MRTFB: variants seen among roughly 807,000 people sequenced by gnomAD.
The protein encoded by MRTFB is myocardin related transcription factor B.
A neutral mutation model predicts 104.2 loss-of-function variants in MRTFB; 29 were observed. The ratio of observed to expected loss-of-function variants is 0.28; its 90% CI spans 0.21 to 0.38. The LOEUF (loss-of-function observed/expected upper bound fraction) is 0.38, where lower values mean the gene tolerates loss of function less well. Ranked by LOEUF, MRTFB falls within the 10% of genes least tolerant of loss-of-function variation. The probability of loss-of-function intolerance (pLI) is 1.00; values close to 1 mark genes in which losing one functional copy is unlikely to be tolerated. For synonymous variants in MRTFB, 535 were observed against 519.5 expected (o/e 1.03, Z -0.41); for missense variants, 1,270 against 1,341.6 (o/e 0.95, Z 0.83).
chr16:14,234,362 G>C (rs561932194), intron 9 of MRTFB, 79 bp downstream of exon 9: 1 of 1,487,502 alleles, frequency 6.7e-7, no homozygotes, highest in East Asian at 2.3e-5. Flanking sequence ...GAAGACAAAG[G>C]CATTTATCCA....
At chr16:14,084,555 G>T (rs1308718740) in intron 2 of MRTFB, among the ~76,000 whole-genome samples, 1 of 152,022 alleles carries the variant, frequency 6.6e-6, no homozygotes, top group Non-Finnish European at 1.5e-5. Context: ...AAATTAAAAA[G>T]ATAAATAAAG....
At chr16:14,260,557 A>G (rs1202250655) in intron 16 of MRTFB, among the ~76,000 whole-genome samples, 1 of 152,198 alleles carries the variant, frequency 6.6e-6, no homozygotes, top group African/African-American at 2.4e-5. Flanking sequence ...AAAATAATCT[A>G]AAACCATTGA....
At chr16:14,168,439 G>A (rs1473397822) in intron 3 of MRTFB, among the ~76,000 whole-genome samples, 1 of 152,088 alleles carries the variant, frequency 6.6e-6, no homozygotes, top group South Asian at 2.1e-4. Context: ...TTGTGGTTTT[G>A]TTCACCATTT....
chr16:14,127,423 A>C (rs1021006909), intron 2 of MRTFB, among the ~76,000 whole-genome samples: 1 of 152,064 alleles, frequency 6.6e-6, no homozygotes, highest in African/African-American at 2.4e-5. Flanking sequence ...CGGGTGGATC[A>C]CGAGGTCAGG....
At chr16:14,260,485 G>A (rs2043724951) in intron 16 of MRTFB, among the ~76,000 whole-genome samples, 2 of 152,016 alleles carry the variant, frequency 1.3e-5, no homozygotes. Flanking sequence ...GCTATAGATA[G>A]ATTCATAGGA....
At chr16:14,062,990 G>A in the MRTFB span, among the ~76,000 whole-genome samples, 2 of 152,198 alleles carry the variant, frequency 1.3e-5, no homozygotes, top group Admixed American at 6.5e-5. Context: ...GACATCATAC[G>A]GCTTGTCTTA....
chr16:14,031,734 T>C, the MRTFB span, among the ~76,000 whole-genome samples: 1 of 152,176 alleles, frequency 6.6e-6, no homozygotes, highest in Non-Finnish European at 1.5e-5. Context: ...GGGCCTGAAA[T>C]AGCCTCAGGG....
intron 2 of MRTFB, among the ~76,000 whole-genome samples, chr16:14,124,432 A>G (rs1007135646): frequency 6.6e-6 from 1 of 152,198 alleles, no homozygotes; most frequent in Non-Finnish European, 1.5e-5. Context: ...ATTTTGAGAT[A>G]TGGTCCATCA....
intron 2 of MRTFB, among the ~76,000 whole-genome samples, chr16:14,137,733 TC>T (rs1310614222): frequency 1.3e-5 from 2 of 152,160 alleles, no homozygotes; most frequent in African/African-American, 4.8e-5. Context: ...TTCTTGGAAT[TC>T]CTGTTTGCAT....
intron 8 of MRTFB, among the ~76,000 whole-genome samples, chr16:14,233,217 GGA>G (rs1401709169): frequency 3.5e-4 from 53 of 152,270 alleles, no homozygotes; most frequent in African/African-American, 1.3e-3. Context: ...TTTTAACTAT[GGA>G]GAGATAATGT....
chr16:14,078,480 C>T (rs1282755773), intron 1 of MRTFB, among the ~76,000 whole-genome samples: 4 of 151,922 alleles, frequency 2.6e-5, no homozygotes, highest in East Asian at 3.9e-4. Context: ...GTACATGACA[C>T]GGGCAGTGGC....
intron 10 of MRTFB, among the ~76,000 whole-genome samples, chr16:14,241,964 C>CAATAATAATAATAAT (rs34609591): frequency 2.2e-5 from 3 of 138,588 alleles, no homozygotes; most frequent in South Asian, 2.5e-4. Flanking sequence ...CATTGGGCAC[C>CAATAATAATAATAAT]AATAATAATA....
intron 2 of MRTFB, among the ~76,000 whole-genome samples, chr16:14,082,551 G>A (rs1393095278): frequency 6.6e-6 from 1 of 152,178 alleles, no homozygotes; most frequent in Non-Finnish European, 1.5e-5. Context: ...GGAGGCCAAG[G>A]TGGGAGGATA....
At chr16:14,017,291 T>C in the MRTFB span, among the ~76,000 whole-genome samples, 54 of 151,686 alleles carry the variant, frequency 3.6e-4, no homozygotes, top group Admixed American at 1.5e-3. Flanking sequence ...CTCCTGACCT[T>C]GTGATCCGCC....
rs764812023 is a variant in MRTFB at position 14,252,381 on chromosome 16, C to T, written c.2582C>T (p.Pro861Leu). The T allele has an allele frequency of 1.2e-5, 19 of 1,613,386 alleles. No individual in the cohort carries two copies. The highest frequency in any genetic ancestry group is 1.4e-5 in the Non-Finnish European group (17 of 1,179,756). Residue 861 changes from proline to leucine, a missense_variant, in exon 15 of 17, where the codon CCA becomes CTA. Coordinates refer to ENST00000571589, the MANE Select transcript of MRTFB (RefSeq NM_001308142.2). Reference sequence around the variant, plus strand: ...TTGACACAGCCTAGTTCACCCCCGCCACCCCAGCAATTTGTCGTCCAGCAC... The same window carrying T: ...TTGACACAGCCTAGTTCACCCCCGCTACCCCAGCAATTTGTCGTCCAGCAC... ...NTPNKPSSPP[P>L]PQQFVVQHSL...
At chr16:14,257,300 CA>C (rs1233326024) in intron 15 of MRTFB, among the ~76,000 whole-genome samples, 2 of 152,136 alleles carry the variant, frequency 1.3e-5, no homozygotes, top group Non-Finnish European at 2.9e-5. Context: ...CAAATGTTCA[CA>C]ACAACTTTTT....
the MRTFB span, among the ~76,000 whole-genome samples, chr16:14,027,645 G>A: frequency 6.6e-6 from 1 of 152,180 alleles, no homozygotes; most frequent in East Asian, 1.9e-4. Context: ...TATCATGGGG[G>A]AAGCTGGGCG....
chr16:13,999,741 C>T, the MRTFB span, among the ~76,000 whole-genome samples: 6,996 of 152,174 alleles, frequency 0.046, 212 homozygotes, highest in Middle Eastern at 0.095. Flanking sequence ...GCCCCAGGAT[C>T]GAGCCTCGCC....
intron 1 of MRTFB, among the ~76,000 whole-genome samples, chr16:14,073,765 T>G (rs372463682): frequency 1.3e-5 from 2 of 152,244 alleles, no homozygotes; most frequent in African/African-American, 2.4e-5. Flanking sequence ...TTAAATAGCT[T>G]CTTCTGCTTA....
Sources: allele counts gnomAD v4.1 joint callset (sites outside exome capture counted in the v4.1 genomes callset), GRCh38; gene constraint gnomAD v4.1.1; transcripts MANE v1.5; gene names NCBI Gene and HGNC (gene_info 2026-07-23, HGNC 2026-07-21).